Variants in TMEFF2 observed in about 807,000 individuals in gnomAD.
TMEFF2 encodes transmembrane protein with EGF like and two follistatin like domains 2, also known as tomoregulin-2.
In TMEFF2, 28 loss-of-function variants were observed where a neutral mutation model predicts 53.8. The observed-to-expected ratio is 0.52, with a 90% CI of 0.39 to 0.71. The LOEUF is 0.71. TMEFF2 is among the 30% of genes least tolerant of loss of function. The probability of loss-of-function intolerance (pLI) is 0.00; values close to 1 mark genes in which losing one functional copy is unlikely to be tolerated. For synonymous variants in TMEFF2, 162 were observed against 166.3 expected, an observed-to-expected ratio of 0.97 and a Z score of 0.20; for missense variants, 353 against 455.2, an observed-to-expected ratio of 0.78 and a Z score of 2.04.
At chr2:192,128,768 C>T (rs79785546) in intron 4 of TMEFF2, among the ~76,000 whole-genome samples, 3,998 of 152,224 alleles carry the variant, frequency 0.026, 72 homozygotes, top group Non-Finnish European at 0.041. Context: ...AACAACATAA[C>T]GAAAACCTTG....
At chr2:192,023,160 T>C (rs1385962100) in intron 5 of TMEFF2, among the ~76,000 whole-genome samples, 1 of 152,206 alleles carries the variant, frequency 6.6e-6, no homozygotes, top group Non-Finnish European at 1.5e-5. Flanking sequence ...GGCAGGTTGA[T>C]GGACAAAGTT....
Position 192,110,223 on chromosome 2 carries a change from T to C in TMEFF2, c.440-52448A>G, listed in dbSNP as rs139234788. On this transcript the variant is annotated intron_variant, in intron 4 of 9. Transcript: ENST00000272771. ...GTCAATGGAGTCACCCACATCTAAG[T>C]GGTCAAGTTGAGGACTAAAATATGT... 4.0e-4 allele frequency among the ~76,000 whole-genome samples: 61 copies of C among 152,236 alleles called. No individual in the cohort carries two copies. In the East Asian group the frequency reaches 0.011, roughly 28 times the overall value.
At position 192,193,798 on chromosome 2, in the gene TMEFF2, A is replaced by AGAGAGAGAGG. The variant is rs1553534710; in HGVS notation, c.172+554_172+555insCCTCTCTCTC. ...GAGAGAGAGAGAGAGAGAGAGAGAGAGAGAGAGAGAAATTCTATTGAAACC... is the reference window on the plus strand; with the variant it reads ...GAGAGAGAGAGAGAGAGAGAGAGAGAGAGAGAGAGGGAGAGAGAGAAATTCTATTGAAACC... On this transcript the variant is annotated intron_variant, in intron 1 of 9. Coordinates refer to ENST00000272771, the MANE Select transcript of TMEFF2 (RefSeq NM_016192.4). 1.2e-3 allele frequency among the ~76,000 whole-genome samples: 174 copies of AGAGAGAGAGG among 139,838 alleles called. 1 individual carries two copies. The highest frequency in any genetic ancestry group is 4.3e-3 in the African/African-American group (155 of 35,688). 91.7% of individuals were successfully genotyped at this position (139,838 alleles called of 152,430 possible). A position where few individuals can be genotyped will look rare whatever the true frequency, so the allele number is the denominator to read the frequency against.
At chr2:192,107,951 G>GTT (rs111256461) in intron 4 of TMEFF2, among the ~76,000 whole-genome samples, 4 of 120,414 alleles carry the variant, frequency 3.3e-5, no homozygotes, top group African/African-American at 1.1e-4. Flanking sequence ...CAATATAACT[G>GTT]TTTTTTTTTT....
At chr2:191,983,076 G>T (rs1685891553) in intron 7 of TMEFF2, among the ~76,000 whole-genome samples, 1 of 152,084 alleles carries the variant, frequency 6.6e-6, no homozygotes, top group Admixed American at 6.6e-5. Flanking sequence ...TCTCCTATTT[G>T]ACAGTTTCAA....
intron 4 of TMEFF2, among the ~76,000 whole-genome samples, chr2:192,140,497 G>A (rs987252344): frequency 6.8e-6 from 1 of 147,942 alleles, no homozygotes; most frequent in African/African-American, 2.6e-5. Context: ...ACAGTATTCT[G>A]CTCAGTTCTG....
At chr2:192,163,920 A>G (rs1416093459) in intron 4 of TMEFF2, among the ~76,000 whole-genome samples, 2 of 152,170 alleles carry the variant, frequency 1.3e-5, no homozygotes, top group African/African-American at 2.4e-5. Flanking sequence ...AAGGAATGGG[A>G]AATAATGAGG....
chr2:192,142,838 T>G (rs1222018391), intron 4 of TMEFF2, among the ~76,000 whole-genome samples: 1 of 152,130 alleles, frequency 6.6e-6, no homozygotes, highest in African/African-American at 2.4e-5. Context: ...CCAACCAGAT[T>G]CCAACCAACA....
intron 5 of TMEFF2, among the ~76,000 whole-genome samples, chr2:192,045,049 C>T (rs1687581803): frequency 6.6e-6 from 1 of 152,178 alleles, no homozygotes; most frequent in South Asian, 2.1e-4. Flanking sequence ...TATTACAGGA[C>T]CTTCTCTCTC....
chr2:192,165,744 TAAA>T (rs5837289), intron 4 of TMEFF2, among the ~76,000 whole-genome samples: 1 of 144,518 alleles, frequency 6.9e-6, no homozygotes. Context: ...GTCTCCGAGG[TAAA>T]AAAAAAAAAA....
rs542526838 is a variant in TMEFF2 at position 192,000,781 on chromosome 2, G to T, written c.537-1573C>A. Among the ~76,000 whole-genome samples, 51 of 152,254 alleles carry T rather than the reference G, an allele frequency of 3.3e-4. 1 individual carries two copies. Among genetic ancestry groups the T allele is most frequent in the Non-Finnish European group, 8.8e-5 (6 of 68,006 alleles). On this transcript the variant is annotated intron_variant, in intron 5 of 9. Coordinates refer to ENST00000272771, the MANE Select transcript of TMEFF2 (RefSeq NM_016192.4). ...ACTTACTTATTTATTTATTTATTTT[G>T]TAAGAGAATTGCTGTAGGAATGCCT...
chr2:192,066,094 A>C (rs1688163211), intron 4 of TMEFF2, among the ~76,000 whole-genome samples: 1 of 151,818 alleles, frequency 6.6e-6, no homozygotes, highest in Non-Finnish European at 1.5e-5. Context: ...AAAAATAAGA[A>C]CAAGAAAACA....
At chr2:192,115,789 A>G (rs1689390177) in intron 4 of TMEFF2, among the ~76,000 whole-genome samples, 1 of 152,032 alleles carries the variant, frequency 6.6e-6, no homozygotes, top group Non-Finnish European at 1.5e-5. Context: ...CACAATGAGT[A>G]TCACCTCACG....
At position 191,976,671 on chromosome 2, in the gene TMEFF2, A is replaced by G. The variant is rs888865473; in HGVS notation, c.746-20293T>C. Reference sequence around the variant, plus strand: ...CTTATCTAGAAAGAAAGAGTCTGAAAAGCAAACAGGCAAATACAATGCAAT... The same window carrying G: ...CTTATCTAGAAAGAAAGAGTCTGAAGAGCAAACAGGCAAATACAATGCAAT... On this transcript the variant is annotated intron_variant, in intron 7 of 9. Coordinates refer to ENST00000272771, the MANE Select transcript of TMEFF2 (RefSeq NM_016192.4). Among the ~76,000 whole-genome samples, 36 of 152,204 alleles carry G rather than the reference A, an allele frequency of 2.4e-4. 1 individual carries two copies. Among genetic ancestry groups the G allele is most frequent in the African/African-American group, 8.2e-4 (34 of 41,446 alleles).
Position 191,949,678 on chromosome 2 carries a change from T to C in TMEFF2, c.*633A>G, listed in dbSNP as rs1411030243. 2.0e-6 allele frequency: 2 copies of C among 985,314 alleles called. No individual in the cohort carries two copies. Among genetic ancestry groups the C allele is most frequent in the Non-Finnish European group, 2.4e-6 (2 of 829,946 alleles). 61.0% of individuals were successfully genotyped at this position (985,314 alleles called of 1,614,324 possible). On this transcript the variant is annotated 3_prime_UTR_variant, in exon 10 of 10. Coordinates refer to ENST00000272771, the MANE Select transcript of TMEFF2 (RefSeq NM_016192.4). ...CTCTCCTTTATGAGTTATAAAACAC[T>C]TTCCCTCCCCTTCTTCTTTTATTTA...
chr2:191,985,065 T>C (rs369861789), intron 7 of TMEFF2, among the ~76,000 whole-genome samples: 1 of 152,152 alleles, frequency 6.6e-6, no homozygotes, highest in East Asian at 1.9e-4. Context: ...CTAGAAAATA[T>C]GAATTTGATG....
intron 4 of TMEFF2, among the ~76,000 whole-genome samples, chr2:192,060,234 A>T: frequency 6.6e-6 from 1 of 152,110 alleles, no homozygotes; most frequent in East Asian, 1.9e-4. Context: ...AGGGCTTCTG[A>T]TGCTTTAAAG....
At chr2:192,103,300 C>T (rs1367119938) in intron 4 of TMEFF2, among the ~76,000 whole-genome samples, 1 of 152,076 alleles carries the variant, frequency 6.6e-6, no homozygotes, top group Non-Finnish European at 1.5e-5. Flanking sequence ...TTCTTAGTAC[C>T]AACTGACCAC....
chr2:191,953,882 C>CCTTTTTTTTTT (rs1559057998), intron 8 of TMEFF2, 45 bp from the exon 9 acceptor site: 1 of 624,534 alleles, frequency 1.6e-6, no homozygotes, highest in Non-Finnish European at 2.3e-6. Context: ...GTGCTGCATT[C>CCTTTTTTTTTT]ATTTTTTTTT....
Sources: gnomAD v4.1 joint callset for allele counts (sites outside exome capture counted in the v4.1 genomes callset) on GRCh38, gnomAD v4.1.1 for gene constraint, MANE v1.5 for transcripts, NCBI Gene and HGNC (gene_info 2026-07-23, HGNC 2026-07-21) for gene names.